SEMA4G: variants seen among roughly 807,000 people sequenced by gnomAD.
The protein encoded by SEMA4G is semaphorin 4G, also known as semaphorin-4G.
In SEMA4G, 59 loss-of-function variants were observed where a neutral mutation model predicts 81.2. That is an observed-to-expected ratio of 0.73 (90% confidence interval 0.59 to 0.90). The LOEUF (loss-of-function observed/expected upper bound fraction) is 0.90. Ranked by LOEUF, SEMA4G falls within the 40% of genes least tolerant of loss-of-function variation. The probability of loss-of-function intolerance (pLI) is 0.00; values close to 1 mark genes in which losing one functional copy is unlikely to be tolerated. For missense variants in SEMA4G, 952 were observed against 1,102.3 expected, an observed-to-expected ratio of 0.86 and a Z score of 1.93; for synonymous variants, 404 against 433.9, an observed-to-expected ratio of 0.93 and a Z score of 0.86.
At chr10:100,970,004 A>G (rs1249974521), upstream of SEMA4G, 3 of 420,102 alleles carry the variant, frequency 7.1e-6, no homozygotes, top group Non-Finnish European at 1.5e-5. Flanking sequence ...GGCTCTCTCA[A>G]GCCAGGAGAG....
intron 3 of SEMA4G, among the ~76,000 whole-genome samples, chr10:100,976,911 A>C (rs1850815278): frequency 6.6e-6 from 1 of 152,210 alleles, no homozygotes; most frequent in Non-Finnish European, 1.5e-5. Context: ...GCAACTGCAG[A>C]TGTCTAAGGA....
chr10:100,979,826 C>G, intron 8 of SEMA4G, 22 bp from the exon 10 acceptor site: 2 of 1,611,786 alleles, frequency 1.2e-6, no homozygotes, highest in Non-Finnish European at 1.7e-6. Context: ...ACTCACCCCC[C>G]TTGCCCTATG....
At chr10:100,981,497 C>A (rs764085431) in intron 13 of SEMA4G, 1 of 1,614,140 alleles carries the variant, frequency 6.2e-7, no homozygotes, top group African/African-American at 1.3e-5. Flanking sequence ...GGGTTCAGGA[C>A]GGTAATGGGT....
chr10:100,984,832 C>A lies in SEMA4G; in HGVS notation c.*701C>A, dbSNP rs150176473. 1,574 of 1,520,352 alleles carry A rather than the reference C, an allele frequency of 1.0e-3. 3 individuals are homozygous for A. The highest frequency in any genetic ancestry group is 2.1e-3 in the Admixed American group (104 of 50,300). 94.2% of individuals were successfully genotyped at this position (1,520,352 alleles called of 1,614,324 possible). ...AGACTGCATCACTCCCCTCCTCTCCCTTCCTGTGTGGCCCTTGTGAATCAG... is the reference window on the plus strand; with the variant it reads ...AGACTGCATCACTCCCCTCCTCTCCATTCCTGTGTGGCCCTTGTGAATCAG... On this transcript the variant is annotated 3_prime_UTR_variant, in exon 14 of 14. Transcript: ENST00000370250.
In SEMA4G at chr10:100,973,188, G is replaced by A. The variant is rs1234802535; in HGVS notation, c.184G>A (p.Glu62Lys). The change falls in exon 2 of 14, where the codon GAG (glutamate) becomes AAG (lysine). Residue 62 changes from glutamate (E) to lysine (K), a missense_variant. Physicochemically the swap from Glu to Lys is moderately conservative, Grantham distance 56 (BLOSUM62 1). Transcript: ENST00000370250. The surrounding 1 kb of genome is among the most constrained non-coding windows in gnomAD (Gnocchi z 5.5). ...CCAGAACTACTCAACACTGCTGCTGGAGGAGGCCTCAGCAAGGCTGCTGGT... is the reference window on the plus strand; with the variant it reads ...CCAGAACTACTCAACACTGCTGCTGAAGGAGGCCTCAGCAAGGCTGCTGGT... 6.2e-7 allele frequency: 1 copy of A among 1,613,836 alleles called. No individual in the cohort carries two copies. The highest frequency in any genetic ancestry group is 1.7e-5 in the Admixed American group (1 of 60,020).
intron 8 of SEMA4G, 47 bp downstream of exon 9, chr10:100,979,318 G>A (rs2133879089): frequency 1.2e-6 from 2 of 1,614,140 alleles, no homozygotes; most frequent in Non-Finnish European, 1.7e-6. Context: ...GACAGCATAG[G>A]GGCTGGAGCA....
At chr10:100,977,302 T>A (rs1850842665) in intron 3 of SEMA4G, among the ~76,000 whole-genome samples, 1 of 151,996 alleles carries the variant, frequency 6.6e-6, no homozygotes. Flanking sequence ...GAGAAGGAGC[T>A]GGATGGGAGA....
chr10:100,981,238 C>T lies in SEMA4G; in HGVS notation c.1690+9C>T. 2 of 1,613,980 alleles carry T rather than the reference C, an allele frequency of 1.2e-6. No homozygotes were observed. Among genetic ancestry groups the T allele is most frequent in the South Asian group, 1.1e-5 (1 of 91,076 alleles). ...GAGCAGCAGGGATACAGGTAAGTGA[C>T]TCATATGAGTGTGGGTCTAGCTACG... is the stretch of plus-strand genomic sequence containing the variant. On this transcript the variant is annotated intron_variant, in intron 13 of 13. Coordinates refer to ENST00000370250, the Ensembl canonical transcript of SEMA4G.
rs1850677263 is a variant in SEMA4G, at chr10:100,973,021, A to T, written c.109A>T (p.Thr37Ser). ...AGAACTAGATGCCACCCCTCGGATG[A>T]CCATACCCTATGAAGGTTAGACCCT... The change falls in exon 1 of 14, where the codon ACC (threonine) becomes TCC (serine). Residue 37 changes from threonine (T) to serine (S), a missense_variant. Physicochemically the swap from Thr to Ser is moderately conservative, Grantham distance 58. This residue lies in a region of SEMA4G where 436 missense variants were observed against 488.2 expected (regional missense o/e 0.89). Coordinates refer to ENST00000370250, the Ensembl canonical transcript of SEMA4G. The surrounding 1 kb of genome is among the most constrained non-coding windows in gnomAD (Gnocchi z 5.5). The T allele has an allele frequency of 6.2e-7, 1 of 1,613,984 alleles. No homozygotes were observed.
intron 3 of SEMA4G, among the ~76,000 whole-genome samples, chr10:100,975,767 G>A (rs991276008): frequency 6.6e-6 from 1 of 152,146 alleles, no homozygotes; most frequent in Non-Finnish European, 1.5e-5. Flanking sequence ...TCACCATGGT[G>A]TTGAGAGTAG....
chr10:100,978,960 G>A (rs1179175680), exon 7 of SEMA4G: 1 of 1,614,196 alleles, frequency 6.2e-7, no homozygotes, highest in Admixed American at 1.7e-5. Context: ...GAGGGCTCTG[G>A]CAGCTTCACT....
chr10:100,980,172 G>A (rs760713409), exon 10 of SEMA4G: 1 of 1,614,234 alleles, frequency 6.2e-7, no homozygotes, highest in South Asian at 1.1e-5. Context: ...CCCAAGACTT[G>A]CCATCCCTGG....
In SEMA4G at chr10:100,979,034, G is replaced by A. The variant is rs778291559; in HGVS notation, c.813+16G>A. The A allele has an allele frequency of 1.4e-5, 22 of 1,613,502 alleles. No individual in the cohort carries two copies. The highest frequency in any genetic ancestry group is 2.2e-5 in the East Asian group (1 of 44,874). Reference sequence around the variant, plus strand: ...TGTCTGCAAGGTGGATTGGGCTGACGTTGGGGCACGGGTATAGAGGCTGGA... The same window carrying A: ...TGTCTGCAAGGTGGATTGGGCTGACATTGGGGCACGGGTATAGAGGCTGGA... On this transcript the variant is annotated intron_variant, in intron 7 of 13. Coordinates refer to ENST00000370250, the Ensembl canonical transcript of SEMA4G.
rs1850919739 is a variant in SEMA4G at position 100,978,835 on chromosome 10, T to C, written c.644-14T>C. On this transcript the variant is annotated splice_polypyrimidine_tract_variant and intron_variant, in intron 6 of 13. Transcript: ENST00000370250. The stretch of plus-strand genomic sequence containing the variant: ...AGCCTGTCTCAAAAGCCTCTCAAAC[T>C]GCCTGACCCACAGATGCGGAGTTTG... 6.2e-7 allele frequency: 1 copy of C among 1,611,558 alleles called. No individual in the cohort carries two copies. Among genetic ancestry groups the C allele is most frequent in the Admixed American group, 1.7e-5 (1 of 59,958 alleles).
chr10:100,978,076 C>G, intron 4 of SEMA4G: 1 of 583,938 alleles, frequency 1.7e-6, no homozygotes. Flanking sequence ...GAGTGAATCT[C>G]TAGGTTGGCC....
upstream of SEMA4G, among the ~76,000 whole-genome samples, chr10:100,970,196 G>A (rs1393977027): frequency 6.6e-6 from 1 of 152,106 alleles, no homozygotes; most frequent in Non-Finnish European, 1.5e-5. Flanking sequence ...CTGGCCCTGG[G>A]GAAGAACCCG....
intron 13 of SEMA4G, chr10:100,981,435 A>T (rs767671664): frequency 5.0e-6 from 8 of 1,613,948 alleles, no homozygotes; most frequent in Non-Finnish European, 5.9e-6. Context: ...CATATTTAAG[A>T]TGTGAAGTGT....
At chr10:100,981,186 C>T in exon 13 of SEMA4G, 3 of 1,614,178 alleles carry the variant, frequency 1.9e-6, no homozygotes, top group Non-Finnish European at 2.5e-6. Context: ...TGATACAGGA[C>T]ATAGAGAGAG....
rs1850685194 is a variant in SEMA4G at position 100,973,236 on chromosome 10, T to C, written c.232T>C (p.Ser78Pro). The change falls in exon 2 of 14, where the codon TCT becomes CCT. Residue 78 changes from serine (S) to proline (P), a missense_variant. By Grantham distance (74) the Ser-to-Pro change is moderately conservative. Around this residue, in one of 3 missense-constraint regions of SEMA4G, gnomAD observed 436 missense variants for 488.2 expected, o/e 0.89. Coordinates refer to ENST00000370250, the Ensembl canonical transcript of SEMA4G. The surrounding 1 kb of genome is among the most constrained non-coding windows in gnomAD (Gnocchi z 5.5). The stretch of plus-strand genomic sequence containing the variant: ...GGTGGGAGCCCGAGGTGCCCTGTTC[T>C]CTCTCAGTGCCAACGACATAGGAGA... 6.2e-7 allele frequency: 1 copy of C among 1,613,454 alleles called. No individual in the cohort carries two copies. Among genetic ancestry groups the C allele is most frequent in the Non-Finnish European group, 8.5e-7 (1 of 1,180,012 alleles).
Sources: allele counts gnomAD v4.1 joint callset (sites outside exome capture counted in the v4.1 genomes callset), GRCh38; gene constraint gnomAD v4.1.1; regional missense constraint gnomAD v4.1.1; non-coding constraint Gnocchi (gnomAD v3.1); transcripts MANE v1.5; gene names NCBI Gene and HGNC (gene_info 2026-07-23, HGNC 2026-07-21).